The following PDE3B variants were observed in gnomAD, a reference collection of about 807,000 sequenced individuals.
The protein encoded by PDE3B is cGMP-inhibited 3',5'-cyclic phosphodiesterase 3B.
PDE3B carries 66 observed loss-of-function variants against 116.8 expected under a neutral mutation model. The observed-to-expected ratio is 0.56, with a 90% CI of 0.46 to 0.69. The LOEUF (loss-of-function observed/expected upper bound fraction) is 0.69, where lower values mean the gene tolerates loss of function less well. Ranked by LOEUF, PDE3B falls within the 30% of genes least tolerant of loss-of-function variation. PDE3B has a pLI of 0.00. For missense variants in PDE3B, 1,384 were observed against 1,368.1 expected, an observed-to-expected ratio of 1.01 and a Z score of -0.18; for synonymous variants, 595 against 533.6, an observed-to-expected ratio of 1.12 and a Z score of -1.59.
chr11:14,726,956 T>G (rs1856324634), intron 1 of PDE3B, among the ~76,000 whole-genome samples: 1 of 152,204 alleles, frequency 6.6e-6, no homozygotes, highest in Non-Finnish European at 1.5e-5. Flanking sequence ...CAGAGTTTTC[T>G]GAATTTGCAA....
At chr11:14,734,794 T>C (rs1282090873) in intron 1 of PDE3B, among the ~76,000 whole-genome samples, 1 of 152,200 alleles carries the variant, frequency 6.6e-6, no homozygotes, top group Admixed American at 6.5e-5. Context: ...CTCTTTTTTT[T>C]TGTTAGACCA....
chr11:14,795,186 T>C (rs559269613), intron 4 of PDE3B, among the ~76,000 whole-genome samples: 3 of 152,280 alleles, frequency 2.0e-5, no homozygotes, highest in Non-Finnish European at 2.9e-5. Context: ...CATCATCTAA[T>C]CCTGTCTTGG....
At chr11:14,763,634 G>T (rs1235672100) in intron 1 of PDE3B, among the ~76,000 whole-genome samples, 1 of 152,020 alleles carries the variant, frequency 6.6e-6, no homozygotes, top group Non-Finnish European at 1.5e-5. Flanking sequence ...AGAGGGAATC[G>T]AATCTACTAC....
At chr11:14,672,688 C>T (rs1453289671) in intron 1 of PDE3B, among the ~76,000 whole-genome samples, 1 of 152,110 alleles carries the variant, frequency 6.6e-6, no homozygotes, top group East Asian at 1.9e-4. Flanking sequence ...TTGTCTTAAT[C>T]TGCACGGTCA....
At chr11:14,689,100 C>T (rs372003879) in intron 1 of PDE3B, among the ~76,000 whole-genome samples, 41 of 152,146 alleles carry the variant, frequency 2.7e-4, no homozygotes, top group African/African-American at 8.4e-4. Context: ...GAGGGAAGTT[C>T]GTGCAATTAA....
the PDE3B span, chr11:14,892,402 G>A: frequency 9.7e-6 from 6 of 618,806 alleles, no homozygotes; most frequent in Non-Finnish European, 1.7e-5. Context: ...ACTTTGCGGA[G>A]CGGGTGGCCG....
the PDE3B span, among the ~76,000 whole-genome samples, chr11:14,889,207 GAC>G: frequency 5.5e-5 from 8 of 144,796 alleles, no homozygotes; most frequent in African/African-American, 2.0e-4. Context: ...AAATTTAAAA[GAC>G]AGTGGAAAAC....
chr11:14,832,877 G>A, intron 10 of PDE3B, 44 bp downstream of exon 10: 2 of 815,504 alleles, frequency 2.5e-6, no homozygotes, highest in South Asian at 1.6e-5. Flanking sequence ...AATAATATGG[G>A]TTTTGAAACT....
intron 2 of PDE3B, among the ~76,000 whole-genome samples, chr11:14,783,615 G>C (rs564667347): frequency 2.0e-5 from 3 of 152,130 alleles, no homozygotes; most frequent in African/African-American, 4.8e-5. Context: ...GTAGTGGGGT[G>C]GGGGAGTGGG....
chr11:14,673,752 A>T, intron 1 of PDE3B: 1 of 773,712 alleles, frequency 1.3e-6, no homozygotes, highest in Non-Finnish European at 2.4e-6. Context: ...TCCAATTCGT[A>T]CAAGTAATCT....
chr11:14,740,991 T>C (rs548725845), intron 1 of PDE3B, among the ~76,000 whole-genome samples: 13 of 151,766 alleles, frequency 8.6e-5, no homozygotes, highest in East Asian at 3.9e-4. Context: ...TCCATTCTTA[T>C]TCATTTTCTG....
At chr11:14,728,366 C>T (rs887961755) in intron 1 of PDE3B, among the ~76,000 whole-genome samples, 1 of 151,930 alleles carries the variant, frequency 6.6e-6, no homozygotes, top group African/African-American at 2.4e-5. Context: ...ATTTTGAAAA[C>T]CTAGATTTAG....
At chr11:14,886,005 C>A in the PDE3B span, 50 of 1,323,424 alleles carry the variant, frequency 3.8e-5, no homozygotes, top group Non-Finnish European at 5.1e-5. Context: ...AAGTGCGGCT[C>A]TTCCAGGATT....
chr11:14,844,693 C>G (rs1277674048), intron 12 of PDE3B, among the ~76,000 whole-genome samples: 1 of 152,252 alleles, frequency 6.6e-6, no homozygotes, highest in Non-Finnish European at 1.5e-5. Flanking sequence ...CATCCCGCAC[C>G]TGGCTCGGAG....
At position 14,644,222 on chromosome 11, in the gene PDE3B, C is replaced by T; in HGVS notation, c.147C>T (p.Phe49=). ...AGGACCCTCCGCGCGGCTTCTTCTTCCACCTCTGCCGCTTCTGCAACGTGG... is the reference window on the plus strand; with the variant it reads ...AGGACCCTCCGCGCGGCTTCTTCTTTCACCTCTGCCGCTTCTGCAACGTGG... The part of the protein sequence containing the change: ...LRQDPPRGFF[F]HLCRFCNVEL... Residue 49 remains phenylalanine, a synonymous_variant, in exon 1 of 16, where the codon TTC becomes TTT. Transcript: ENST00000282096. 6.3e-7 allele frequency: 1 copy of T among 1,590,416 alleles called. No individual in the cohort carries two copies. Among genetic ancestry groups the T allele is most frequent in the Non-Finnish European group, 8.5e-7 (1 of 1,175,060 alleles).
In PDE3B at chr11:14,803,950, A is replaced by T. The variant is rs752027073; in HGVS notation, c.1422A>T (p.Gly474=). The change falls in exon 5 of 16, where the codon GGA becomes GGT. Residue 474 remains glycine (G), a synonymous_variant. Transcript: ENST00000282096. ...TGTTATTTTTCCCTTTTAGTCAAGG[A>T]TGCTATCTAAATGGGCCTTTTAATT... is the stretch of plus-strand genomic sequence containing the variant. ...PHQEFGISSQ[G]CYLNGPFNSN... is the part of the protein sequence containing the mutation. 6.3e-6 allele frequency: 10 copies of T among 1,582,890 alleles called. No individual in the cohort carries two copies. The highest frequency in any genetic ancestry group is 8.7e-6 in the Non-Finnish European group (10 of 1,151,820).
chr11:14,826,469 T>C (rs1172620796), intron 7 of PDE3B, among the ~76,000 whole-genome samples: 1 of 151,896 alleles, frequency 6.6e-6, no homozygotes, highest in East Asian at 1.9e-4. Flanking sequence ...AATACAACCA[T>C]CAGAGACTAC....
intron 1 of PDE3B, among the ~76,000 whole-genome samples, chr11:14,762,136 G>A (rs1464191875): frequency 6.6e-6 from 1 of 151,442 alleles, no homozygotes; most frequent in Non-Finnish European, 1.5e-5. Flanking sequence ...GTGAGACCCT[G>A]TCTCTACGGA....
chr11:14,853,011 CTTT>C (rs1201371669), intron 12 of PDE3B, among the ~76,000 whole-genome samples: 12 of 142,692 alleles, frequency 8.4e-5, no homozygotes, highest in Non-Finnish European at 9.3e-5. Flanking sequence ...GTCTCTCTCT[CTTT>C]TTTTTTTTTT....
Sources: gnomAD v4.1 joint callset for allele counts (sites outside exome capture counted in the v4.1 genomes callset) on GRCh38, gnomAD v4.1.1 for gene constraint, MANE v1.5 for transcripts, NCBI Gene and HGNC (gene_info 2026-07-23, HGNC 2026-07-21) for gene names.